Variants in CDC42SE2 observed in about 807,000 individuals in gnomAD.
CDC42SE2 encodes CDC42 small effector 2, also known as CDC42 small effector protein 2.
A neutral mutation model predicts 11.5 loss-of-function variants in CDC42SE2; 3 were observed. The ratio of observed to expected loss-of-function variants is 0.26; its 90% CI spans 0.12 to 0.67. The LOEUF (loss-of-function observed/expected upper bound fraction) is 0.67. CDC42SE2 is among the 30% of genes least tolerant of loss of function. The pLI is 0.80. For missense variants in CDC42SE2, 82 were observed against 106.8 expected (o/e 0.77, Z 1.02); for synonymous variants, 33 against 34.8 (o/e 0.95, Z 0.18).
At chr5:131,258,158 A>C (rs1240131917) in intron 2 of CDC42SE2, among the ~76,000 whole-genome samples, 1 of 152,068 alleles carries the variant, frequency 6.6e-6, no homozygotes, top group Non-Finnish European at 1.5e-5. Flanking sequence ...TTAAGATGTC[A>C]GTTTCTGAAC....
intron 3 of CDC42SE2, among the ~76,000 whole-genome samples, chr5:131,360,565 A>C (rs981854900): frequency 1.1e-4 from 16 of 152,214 alleles, no homozygotes; most frequent in African/African-American, 3.9e-4. Flanking sequence ...TTTGCATAGT[A>C]AATAACTATT....
In CDC42SE2 at chr5:131,322,424, G is replaced by A. The variant is rs115078557; in HGVS notation, c.-286+6280G>A. Among the ~76,000 whole-genome samples the A allele has an allele frequency of 2.0e-3, 300 of 152,260 alleles. 1 individual carries two copies. The highest frequency in any genetic ancestry group is 7.0e-3 in the African/African-American group (289 of 41,554). On this transcript the variant is annotated intron_variant, in intron 2 of 4. Coordinates refer to ENST00000505065, the MANE Select transcript of CDC42SE2 (RefSeq NM_001375635.1). ...GTAAATGGAATCATACAGTATTTAT[G>A]TTTTTGTGACTGGCTTATTTCACTT...
chr5:131,355,538 G>A (rs1274897888), intron 2 of CDC42SE2, among the ~76,000 whole-genome samples: 1 of 151,824 alleles, frequency 6.6e-6, no homozygotes, highest in Admixed American at 6.6e-5. Context: ...GGGAGGGAGG[G>A]AACAGAGTGA....
chr5:131,365,438 T>C (rs982260653), intron 3 of CDC42SE2, among the ~76,000 whole-genome samples: 4 of 152,140 alleles, frequency 2.6e-5, no homozygotes, highest in African/African-American at 7.2e-5. Context: ...ATTGGTCAAA[T>C]ATGATGGATC....
intron 2 of CDC42SE2, among the ~76,000 whole-genome samples, chr5:131,331,467 C>T (rs993412530): frequency 9.2e-5 from 14 of 152,162 alleles, no homozygotes; most frequent in Non-Finnish European, 1.9e-4. Flanking sequence ...TGTGTCTGAG[C>T]TGTGGGTTCA....
chr5:131,307,907 T>A (rs1757813842), intron 1 of CDC42SE2, among the ~76,000 whole-genome samples: 1 of 152,182 alleles, frequency 6.6e-6, no homozygotes. Flanking sequence ...CACTTTTTGA[T>A]GGGGTTGTTT....
At chr5:131,300,464 A>G (rs571558804) in intron 1 of CDC42SE2, among the ~76,000 whole-genome samples, 1 of 152,192 alleles carries the variant, frequency 6.6e-6, no homozygotes, top group Non-Finnish European at 1.5e-5. Context: ...AAACTGGAAC[A>G]TATCAAGATA....
chr5:131,380,726 A>T (rs1750296102), intron 3 of CDC42SE2, among the ~76,000 whole-genome samples: 1 of 152,114 alleles, frequency 6.6e-6, no homozygotes, highest in Non-Finnish European at 1.5e-5. Context: ...GAAATTGAGC[A>T]TAATGAATTC....
chr5:131,394,343 G>C lies in CDC42SE2; in HGVS notation c.*3252G>C, dbSNP rs1750787884. 1 of 152,338 alleles carries C rather than the reference G, an allele frequency of 6.6e-6. No homozygotes were observed. The highest frequency in any genetic ancestry group is 1.5e-5 in the Non-Finnish European group (1 of 68,042). The allele number at this position is 152,338 out of a possible 1,614,324, so 9.4% of individuals were successfully genotyped here. Reference sequence around the variant, plus strand: ...GCATGAAGTGGTGCCAGTAAGCGTAGAGCGGAAATGTTGACTTTAGTTAAC... The same window carrying C: ...GCATGAAGTGGTGCCAGTAAGCGTACAGCGGAAATGTTGACTTTAGTTAAC... On this transcript the variant is annotated 3_prime_UTR_variant, in exon 5 of 5. Coordinates refer to ENST00000505065, the MANE Select transcript of CDC42SE2 (RefSeq NM_001375635.1).
chr5:131,368,511 C>T (rs1436003901), intron 3 of CDC42SE2, among the ~76,000 whole-genome samples: 1 of 152,098 alleles, frequency 6.6e-6, no homozygotes, highest in East Asian at 1.9e-4. Context: ...TATTACAGAT[C>T]AGTTTTAAAA....
At chr5:131,358,960 C>T (rs1463006393) in intron 2 of CDC42SE2, among the ~76,000 whole-genome samples, 1 of 152,058 alleles carries the variant, frequency 6.6e-6, no homozygotes. Context: ...TAAAATAATC[C>T]ATACTTTTAT....
At chr5:131,387,614 T>C (rs1013938647) in intron 4 of CDC42SE2, among the ~76,000 whole-genome samples, 1 of 152,214 alleles carries the variant, frequency 6.6e-6, no homozygotes, top group African/African-American at 2.4e-5. Flanking sequence ...TAAAATCTTA[T>C]GTACATTTCG....
intron 1 of CDC42SE2, among the ~76,000 whole-genome samples, chr5:131,266,491 G>T (rs1580720137): frequency 2.2e-5 from 3 of 135,416 alleles, no homozygotes; most frequent in South Asian, 4.5e-4. Flanking sequence ...ACGAAGTCTC[G>T]CTCTGTCACC....
intron 1 of CDC42SE2, among the ~76,000 whole-genome samples, chr5:131,305,538 G>A (rs749204321): frequency 1.6e-4 from 25 of 152,196 alleles, no homozygotes; most frequent in Non-Finnish European, 3.4e-4. Context: ...GATTTGCTGA[G>A]ATTCATCTGT....
intron 1 of CDC42SE2, among the ~76,000 whole-genome samples, chr5:131,282,101 G>GT (rs962238284): frequency 1.3e-5 from 2 of 152,144 alleles, no homozygotes; most frequent in Admixed American, 1.3e-4. Context: ...AAGGAGGAGA[G>GT]TAGTTTTTCG....
chr5:131,353,154 T>TA (rs966470169), intron 2 of CDC42SE2, among the ~76,000 whole-genome samples: 12 of 152,092 alleles, frequency 7.9e-5, no homozygotes, highest in African/African-American at 1.7e-4. Context: ...TTTTTGTAGT[T>TA]ACGGAATTCT....
chr5:131,384,390 G>A (rs112087595), intron 3 of CDC42SE2, among the ~76,000 whole-genome samples: 2,607 of 152,270 alleles, frequency 0.017, 38 homozygotes, highest in Non-Finnish European at 0.027. Flanking sequence ...TCATGCCAGC[G>A]TTTCAGTAGA....
At chr5:131,361,675 G>A (rs975054560) in intron 3 of CDC42SE2, among the ~76,000 whole-genome samples, 6 of 152,268 alleles carry the variant, frequency 3.9e-5, no homozygotes, top group South Asian at 4.1e-4. Flanking sequence ...TGGATCACAC[G>A]TGGGCTTGGA....
intron 3 of CDC42SE2, among the ~76,000 whole-genome samples, chr5:131,366,551 T>G (rs1387790356): frequency 4.0e-5 from 6 of 151,882 alleles, no homozygotes; most frequent in South Asian, 4.2e-4. Context: ...GATTGGAGGG[T>G]TTTTTTTGTT....
Sources: gnomAD v4.1 joint callset for allele counts (sites outside exome capture counted in the v4.1 genomes callset) on GRCh38, gnomAD v4.1.1 for gene constraint, MANE v1.5 for transcripts, NCBI Gene and HGNC (gene_info 2026-07-23, HGNC 2026-07-21) for gene names.